The following ZRANB3 variants were observed in gnomAD, a reference collection of about 807,000 sequenced individuals.
The protein encoded by ZRANB3 is DNA annealing helicase and endonuclease ZRANB3.
In ZRANB3, 125 loss-of-function variants were observed where a neutral mutation model predicts 133.8. The ratio of observed to expected loss-of-function variants is 0.93; its 90% confidence interval spans 0.81 to 1.08. The LOEUF (loss-of-function observed/expected upper bound fraction) is 1.08. Ranked by LOEUF, ZRANB3 falls within the 50% of genes least tolerant of loss-of-function variation. The pLI, the probability that ZRANB3 is intolerant of heterozygous loss-of-function variation, is 0.00. For missense variants in ZRANB3, 1,229 were observed against 1,275.5 expected (o/e 0.96, Z 0.56); for synonymous variants, 387 against 432.7 (o/e 0.89, Z 1.31).
chr2:135,455,171 C>CTTTTTT (rs1166170814), intron 2 of ZRANB3, among the ~76,000 whole-genome samples: 603 of 37,606 alleles, frequency 0.016, 80 homozygotes, highest in East Asian at 0.027. Flanking sequence ...CCTTCTTATA[C>CTTTTTT]TTTTTTTTTT....
Position 135,381,184 on chromosome 2 carries a change from C to T in ZRANB3, c.180+9618G>A, listed in dbSNP as rs549394021. On this transcript the variant is annotated intron_variant, in intron 3 of 20. Transcript: ENST00000264159. ...GTGCTTTTCTGACCGTCATAGCAAA[C>T]GGCACACCAGGAGATTATATCCCAT... Among the ~76,000 whole-genome samples, 35 of 152,310 alleles carry T rather than the reference C, an allele frequency of 2.3e-4. No individual in the cohort carries two copies. In the South Asian group the frequency reaches 5.8e-3, roughly 25 times the overall value.
At chr2:135,428,220 A>C (rs1574089082) in intron 2 of ZRANB3, among the ~76,000 whole-genome samples, 1 of 152,118 alleles carries the variant, frequency 6.6e-6, no homozygotes. Flanking sequence ...AGGCAGGTGG[A>C]TCACCTAAGG....
At chr2:135,289,671 G>C (rs1278967838) in intron 8 of ZRANB3, among the ~76,000 whole-genome samples, 1 of 152,202 alleles carries the variant, frequency 6.6e-6, no homozygotes, top group African/African-American at 2.4e-5. Flanking sequence ...GGGAGGCAAA[G>C]TCAGGTGGAT....
chr2:135,349,506 G>A (rs572898367), intron 5 of ZRANB3, among the ~76,000 whole-genome samples: 1 of 152,262 alleles, frequency 6.6e-6, no homozygotes, highest in South Asian at 2.1e-4. Flanking sequence ...ATTCTAAGCA[G>A]ATACCTTATC....
chr2:135,308,548 T>C (rs1558905404), intron 8 of ZRANB3, among the ~76,000 whole-genome samples: 1 of 152,228 alleles, frequency 6.6e-6, no homozygotes, highest in African/African-American at 2.4e-5. Flanking sequence ...CCACTTTTAT[T>C]GTGATCTTTT....
chr2:135,358,708 G>A (rs1389601071), intron 3 of ZRANB3, among the ~76,000 whole-genome samples: 2 of 152,130 alleles, frequency 1.3e-5, no homozygotes, highest in Non-Finnish European at 2.9e-5. Flanking sequence ...GATTGGTCTT[G>A]CAAAGCTGAT....
intron 12 of ZRANB3, among the ~76,000 whole-genome samples, chr2:135,254,103 T>C (rs1679535104): frequency 6.6e-6 from 1 of 152,202 alleles, no homozygotes; most frequent in Non-Finnish European, 1.5e-5. Context: ...CATATTTGTG[T>C]AGATTTTGCA....
intron 3 of ZRANB3, among the ~76,000 whole-genome samples, chr2:135,375,097 G>A (rs1254133863): frequency 6.6e-6 from 1 of 152,176 alleles, no homozygotes; most frequent in Non-Finnish European, 1.5e-5. Flanking sequence ...ACTGCTAATG[G>A]AAATGGAAAA....
At chr2:135,332,811 C>T (rs1197473440) in intron 6 of ZRANB3, among the ~76,000 whole-genome samples, 1 of 152,158 alleles carries the variant, frequency 6.6e-6, no homozygotes, top group Non-Finnish European at 1.5e-5. Context: ...CTCTAATTTC[C>T]AAATCCATTA....
intron 4 of ZRANB3, among the ~76,000 whole-genome samples, chr2:135,351,265 C>CTTTTTT (rs34205567): frequency 1.7e-5 from 2 of 119,698 alleles, no homozygotes; most frequent in Non-Finnish European, 3.4e-5. Context: ...CTATAATTTT[C>CTTTTTT]TTTTTTTTTT....
chr2:135,203,446 C>T (rs996394384), intron 19 of ZRANB3, among the ~76,000 whole-genome samples: 22 of 151,594 alleles, frequency 1.5e-4, no homozygotes, highest in Non-Finnish European at 5.9e-5. Flanking sequence ...GGTGAAACCC[C>T]GTCTCTACTA....
intron 6 of ZRANB3, among the ~76,000 whole-genome samples, chr2:135,333,288 A>AT (rs1369495597): frequency 2.0e-5 from 3 of 152,210 alleles, no homozygotes; most frequent in African/African-American, 4.8e-5. Flanking sequence ...CATCCCCGAA[A>AT]GTACAGTATA....
chr2:135,263,050 G>C (rs1408110431), intron 12 of ZRANB3, among the ~76,000 whole-genome samples: 3 of 151,904 alleles, frequency 2.0e-5, no homozygotes, highest in Admixed American at 2.0e-4. Context: ...TAAAATAAAA[G>C]AAATAAAAAC....
intron 2 of ZRANB3, among the ~76,000 whole-genome samples, chr2:135,409,206 G>A (rs1688192656): frequency 6.6e-6 from 1 of 151,860 alleles, no homozygotes; most frequent in Non-Finnish European, 1.5e-5. Context: ...AAACAACCAG[G>A]TCTCACAAGA....
intron 1 of ZRANB3, among the ~76,000 whole-genome samples, chr2:135,513,270 T>C (rs1693549519): frequency 6.6e-6 from 1 of 152,070 alleles, no homozygotes; most frequent in Non-Finnish European, 1.5e-5. Flanking sequence ...ATCTTGAAAA[T>C]GAACAAAGCT....
intron 2 of ZRANB3, among the ~76,000 whole-genome samples, chr2:135,462,470 T>C (rs926683262): frequency 6.6e-6 from 1 of 152,222 alleles, no homozygotes; most frequent in Non-Finnish European, 1.5e-5. Flanking sequence ...TAGCCTCTTC[T>C]GAGGCAACTT....
intron 3 of ZRANB3, among the ~76,000 whole-genome samples, chr2:135,369,396 A>T (rs1686072034): frequency 6.6e-6 from 1 of 152,188 alleles, no homozygotes; most frequent in Non-Finnish European, 1.5e-5. Flanking sequence ...AAAAATTGAA[A>T]GCAGTATGAG....
intron 2 of ZRANB3, among the ~76,000 whole-genome samples, chr2:135,453,088 G>T (rs1252988340): frequency 6.6e-6 from 1 of 152,220 alleles, no homozygotes; most frequent in African/African-American, 2.4e-5. Flanking sequence ...CTCAATTCTT[G>T]ATTTCTGTGC....
At chr2:135,497,968 G>A (rs1343428522) in intron 2 of ZRANB3, among the ~76,000 whole-genome samples, 1 of 151,906 alleles carries the variant, frequency 6.6e-6, no homozygotes, top group African/African-American at 2.4e-5. Context: ...CAGGAGAATC[G>A]CTGGAACCCA....
Sources: gnomAD v4.1 joint callset for allele counts (sites outside exome capture counted in the v4.1 genomes callset) on GRCh38, gnomAD v4.1.1 for gene constraint, MANE v1.5 for transcripts, NCBI Gene and HGNC (gene_info 2026-07-23, HGNC 2026-07-21) for gene names.